The following ULK4 variants were observed in gnomAD, a reference collection of about 807,000 sequenced individuals.
ULK4 encodes inactive serine/threonine-protein kinase ULK4.
Under a neutral mutation model 160.6 loss-of-function variants are expected in ULK4, and 133 were observed. That is an observed-to-expected ratio of 0.83 (90% CI 0.72 to 0.96). ULK4 has a LOEUF of 0.96. Ranked by LOEUF, ULK4 falls within the 40% of genes least tolerant of loss-of-function variation. The pLI is 0.00. For missense variants in ULK4, 1,580 were observed against 1,499.5 expected (o/e 1.05, Z -0.89); for synonymous variants, 534 against 539.8 (o/e 0.99, Z 0.15).
chr3:41,411,880 T>C (rs2082416542), intron 34 of ULK4, among the ~76,000 whole-genome samples: 1 of 152,068 alleles, frequency 6.6e-6, no homozygotes, highest in Admixed American at 6.6e-5. Context: ...TGCTTTCCCC[T>C]GAAATTACGA....
In ULK4 at chr3:41,326,135, CA is replaced by C. The variant is rs554642420; in HGVS notation, c.3678+71943del. On this transcript the variant is annotated intron_variant, in intron 35 of 36. Transcript: ENST00000301831. ...GGCTTTAGCACACCATAAGCATGGGCAGGGGGGGGCTCCCCAAGAACAGACT... is the reference window on the plus strand; with the variant it reads ...GGCTTTAGCACACCATAAGCATGGGCGGGGGGGGCTCCCCAAGAACAGACT... 1.8e-3 allele frequency among the ~76,000 whole-genome samples: 275 copies of C among 152,136 alleles called. 2 individuals carry two copies. The highest frequency in any genetic ancestry group is 4.2e-3 in the Admixed American group (64 of 15,288).
chr3:41,431,089 C>T (rs921112892), intron 34 of ULK4, among the ~76,000 whole-genome samples: 1 of 152,164 alleles, frequency 6.6e-6, no homozygotes, highest in African/African-American at 2.4e-5. Flanking sequence ...GTGGCGCACG[C>T]TGGTAATCCT....
intron 32 of ULK4, among the ~76,000 whole-genome samples, chr3:41,515,332 G>T (rs919890139): frequency 6.6e-6 from 1 of 151,922 alleles, no homozygotes; most frequent in African/African-American, 2.4e-5. Context: ...ATATGCTAAA[G>T]AGACAAACTG....
chr3:41,800,874 G>A (rs918529437), intron 19 of ULK4, among the ~76,000 whole-genome samples: 7 of 152,114 alleles, frequency 4.6e-5, no homozygotes, highest in Admixed American at 1.3e-4. Context: ...AGATTCAACT[G>A]TTTTCAGGTA....
At chr3:41,815,148 C>T (rs1476935203) in intron 19 of ULK4, among the ~76,000 whole-genome samples, 1 of 152,200 alleles carries the variant, frequency 6.6e-6, no homozygotes, top group African/African-American at 2.4e-5. Context: ...ACCTCATGAT[C>T]CGCCTGCCTT....
chr3:41,797,098 T>A (rs1383841585), intron 20 of ULK4, among the ~76,000 whole-genome samples: 2 of 152,076 alleles, frequency 1.3e-5, no homozygotes, highest in Admixed American at 1.3e-4. Flanking sequence ...CGTACATGCA[T>A]GCTGAAGAAA....
intron 30 of ULK4, among the ~76,000 whole-genome samples, chr3:41,661,974 CAT>C (rs1166236165): frequency 6.6e-6 from 1 of 152,048 alleles, no homozygotes; most frequent in African/African-American, 2.4e-5. Flanking sequence ...GAAAACGTGA[CAT>C]GTGGAATGAG....
intron 18 of ULK4, among the ~76,000 whole-genome samples, chr3:41,835,147 C>T (rs1042507677): frequency 5.9e-5 from 9 of 151,822 alleles, no homozygotes; most frequent in African/African-American, 1.9e-4. Context: ...GAGGTCGAGG[C>T]TGCCGTGAGC....
chr3:41,610,189 T>C (rs1248341319), intron 31 of ULK4, among the ~76,000 whole-genome samples: 1 of 151,790 alleles, frequency 6.6e-6, no homozygotes, highest in Non-Finnish European at 1.5e-5. Flanking sequence ...CTAATTTCTT[T>C]TTATTTTTTG....
intron 32 of ULK4, among the ~76,000 whole-genome samples, chr3:41,491,880 C>T (rs1452374565): frequency 6.8e-6 from 1 of 147,926 alleles, no homozygotes; most frequent in African/African-American, 2.5e-5. Flanking sequence ...ATCCCTCCCG[C>T]CTCCCCCCAC....
chr3:41,808,299 C>A (rs1211744434), intron 19 of ULK4, among the ~76,000 whole-genome samples: 1 of 152,138 alleles, frequency 6.6e-6, no homozygotes. Context: ...ATGTGCTTTA[C>A]AACACAATTG....
chr3:41,620,122 T>C lies in ULK4; in HGVS notation c.3072-4405A>G, dbSNP rs908852661. ...GATCTGAAATTGAGGGAGTATTTAA[T>C]AACCTACTGGCCAAAAAGAGCCCAG... On this transcript the variant is annotated intron_variant, in intron 30 of 36. Coordinates refer to ENST00000301831, the MANE Select transcript of ULK4 (RefSeq NM_017886.4). Among the ~76,000 whole-genome samples, 12 of 152,130 alleles carry C rather than the reference T, an allele frequency of 7.9e-5. No homozygotes were observed. The East Asian group carries it at 2.1e-3, about 27-fold the overall frequency.
At chr3:41,842,197 A>G (rs2041948784) in intron 17 of ULK4, among the ~76,000 whole-genome samples, 1 of 131,986 alleles carries the variant, frequency 7.6e-6, no homozygotes, top group Admixed American at 7.1e-5. Context: ...AAATAAAAAA[A>G]AAGAAGACTA....
rs1478920122 is a variant in ULK4 at position 41,701,102 on chromosome 3, A to C, written c.2781+3955T>G. On this transcript the variant is annotated intron_variant, in intron 27 of 36. Coordinates refer to ENST00000301831, the MANE Select transcript of ULK4 (RefSeq NM_017886.4). ...AGTAAGAATTAGAAAAAAATGAGAA[A>C]GTTTAATGTATATGTGATCTGATTT... 2.0e-5 allele frequency among the ~76,000 whole-genome samples: 3 copies of C among 152,176 alleles called. No homozygotes were observed. In the East Asian group the frequency reaches 5.8e-4, roughly 29 times the overall value.
chr3:41,287,678 C>T (rs1382260847), intron 35 of ULK4, among the ~76,000 whole-genome samples: 1 of 152,152 alleles, frequency 6.6e-6, no homozygotes, highest in African/African-American at 2.4e-5. Context: ...CCTGATTTCC[C>T]AGCTAGAGAT....
chr3:41,516,172 A>C (rs555848562), intron 32 of ULK4, among the ~76,000 whole-genome samples: 5 of 152,226 alleles, frequency 3.3e-5, no homozygotes, highest in Admixed American at 6.5e-5. Flanking sequence ...TATTAGAAAT[A>C]CATGTTCTGA....
In ULK4 at chr3:41,573,770, C is replaced by T. The variant is rs146627772; in HGVS notation, c.3121-7640G>A. The stretch of plus-strand genomic sequence containing the variant: ...GGTAGTCTACCATGCACTCCATGTA[C>T]AATGGCGCCAAAGTGCTGCTCCAGG... On this transcript the variant is annotated intron_variant, in intron 31 of 36. Coordinates refer to ENST00000301831, the MANE Select transcript of ULK4 (RefSeq NM_017886.4). Among the ~76,000 whole-genome samples, 337 of 152,312 alleles carry T rather than the reference C, an allele frequency of 2.2e-3. 1 individual carries two copies. Among genetic ancestry groups the T allele is most frequent in the Non-Finnish European group, 3.7e-3 (255 of 68,032 alleles).
chr3:41,638,738 A>G (rs2034060096), intron 30 of ULK4, among the ~76,000 whole-genome samples: 1 of 152,228 alleles, frequency 6.6e-6, no homozygotes, highest in African/African-American at 2.4e-5. Flanking sequence ...ATAAAATCAG[A>G]AGACTCTTGA....
chr3:41,918,595 C>CTTTTTTTTTTTTTTTTTTTTT (rs36064862), intron 6 of ULK4, 55 bp from the exon 7 acceptor site: 1 of 206,754 alleles, frequency 4.8e-6, no homozygotes, highest in African/African-American at 5.0e-5. Context: ...ACCAATAATT[C>CTTTTTTTTTTTTTTTTTTTTT]TTTTTTTTTT....
Sources: allele counts gnomAD v4.1 joint callset (sites outside exome capture counted in the v4.1 genomes callset), GRCh38; gene constraint gnomAD v4.1.1; transcripts MANE v1.5; gene names NCBI Gene and HGNC (gene_info 2026-07-23, HGNC 2026-07-21).